The following CYSTM1 variants were observed in gnomAD, a reference collection of about 807,000 sequenced individuals.
CYSTM1 encodes the protein cysteine rich transmembrane module containing 1, also known as cysteine-rich transmembrane module-containing protein 1.
CYSTM1 carries 4 observed loss-of-function variants against 13.1 expected under a neutral mutation model. The ratio of observed to expected loss-of-function variants is 0.31; its 90% CI spans 0.15 to 0.70. The LOEUF is 0.70. CYSTM1 is among the 30% of genes least tolerant of loss of function. CYSTM1 has a pLI of 0.72. For synonymous variants in CYSTM1, 36 were observed against 42.7 expected (o/e 0.84, Z 0.62); for missense variants, 96 against 121.6 (o/e 0.79, Z 0.99).
At chr5:140,179,682 A>G (rs1763940575) in intron 1 of CYSTM1, among the ~76,000 whole-genome samples, 1 of 48,004 alleles carries the variant, frequency 2.1e-5, no homozygotes, top group African/African-American at 9.2e-5. Flanking sequence ...TTCTTTTGAG[A>G]CAGAGTCTTG....
At position 140,239,584 on chromosome 5, in the gene CYSTM1, C is replaced by T. The variant is rs1240362173; in HGVS notation, c.188-3721C>T. Among the ~76,000 whole-genome samples the T allele has an allele frequency of 6.6e-6, 1 of 152,240 alleles. No homozygotes were observed. Among genetic ancestry groups the T allele is most frequent in the African/African-American group, 2.4e-5 (1 of 41,464 alleles). ...TGCCCCTGCCAGAAACTGCTCAGCT[C>T]TTCCCAAAGCTGCTGCGCACCTGAG... On this transcript the variant is annotated intron_variant, in intron 2 of 2. Transcript: ENST00000261811. This position sits in a 1 kb window ranked among gnomAD's most constrained non-coding sequence, Gnocchi z 5.4.
intron 2 of CYSTM1, among the ~76,000 whole-genome samples, chr5:140,215,156 T>A (rs760417918): frequency 6.6e-6 from 1 of 152,236 alleles, no homozygotes; most frequent in Non-Finnish European, 1.5e-5. Flanking sequence ...TAGATTTTCA[T>A]GGAAGTCACT....
At chr5:140,216,632 T>C (rs572407116) in intron 2 of CYSTM1, among the ~76,000 whole-genome samples, 22 of 152,310 alleles carry the variant, frequency 1.4e-4, no homozygotes, top group African/African-American at 4.8e-4. Flanking sequence ...TGGAAAATCT[T>C]ATCAGCTTGT....
At chr5:140,228,813 T>C (rs1764589592) in intron 2 of CYSTM1, 1 of 399,470 alleles carries the variant, frequency 2.5e-6, no homozygotes, top group Non-Finnish European at 4.4e-6. Flanking sequence ...CTGCTGCTGC[T>C]GCCTCCTGGA....
In CYSTM1 at chr5:140,194,664, T is replaced by A; in HGVS notation, c.187+12T>A. 1 of 1,604,756 alleles carries A rather than the reference T, an allele frequency of 6.2e-7. No individual in the cohort carries two copies. The highest frequency in any genetic ancestry group is 8.5e-7 in the Non-Finnish European group (1 of 1,177,156). On this transcript the variant is annotated intron_variant, in intron 2 of 2. Transcript: ENST00000261811. The stretch of plus-strand genomic sequence containing the variant: ...TCCTAAAACCACAGGTGTGTGTCTC[T>A]GAATATGTGGGTGTGCAGTCCCGTG...
intron 2 of CYSTM1, among the ~76,000 whole-genome samples, chr5:140,229,731 C>T (rs1764598991): frequency 6.6e-6 from 1 of 151,378 alleles, no homozygotes. Context: ...TAGTTTTGCT[C>T]TTGTTGCCCA....
In CYSTM1 at chr5:140,219,226, T is replaced by C. The variant is rs1347478440; in HGVS notation, c.188-24079T>C. 6.6e-6 allele frequency among the ~76,000 whole-genome samples: 1 copy of C among 152,156 alleles called. No individual in the cohort carries two copies. The highest frequency in any genetic ancestry group is 2.4e-5 in the African/African-American group (1 of 41,432). ...CACATCTCAGTGGGTAAAGTGGGGA[T>C]TTTCAGGACCATTTGCCCTTGATTC... On this transcript the variant is annotated intron_variant, in intron 2 of 2. Coordinates refer to ENST00000261811, the MANE Select transcript of CYSTM1 (RefSeq NM_032412.4). This position sits in a 1 kb window ranked among gnomAD's most constrained non-coding sequence, Gnocchi z 4.1.
intron 2 of CYSTM1, among the ~76,000 whole-genome samples, chr5:140,243,031 T>C (rs1164606486): frequency 6.6e-6 from 1 of 152,224 alleles, no homozygotes; most frequent in African/African-American, 2.4e-5. Flanking sequence ...TGGCCAACTC[T>C]GGTTGCCTTG....
intron 2 of CYSTM1, chr5:140,228,876 T>A: frequency 2.5e-6 from 1 of 398,694 alleles, no homozygotes; most frequent in Non-Finnish European, 4.4e-6. Context: ...CCCTGCTACC[T>A]CCTGTTACAG....
chr5:140,230,873 T>C lies in CYSTM1; in HGVS notation c.188-12432T>C, dbSNP rs1312111273. ...AGCTAGAATCAGGAATCTGGTGTGA[T>C]GTGTACCCTCCTTCCACCAGCACGT... On this transcript the variant is annotated intron_variant, in intron 2 of 2. Coordinates refer to ENST00000261811, the MANE Select transcript of CYSTM1 (RefSeq NM_032412.4). This position sits in a 1 kb window ranked among gnomAD's most constrained non-coding sequence, Gnocchi z 4.1. Among the ~76,000 whole-genome samples the C allele has an allele frequency of 1.3e-5, 2 of 152,228 alleles. No homozygotes were observed. The highest frequency in any genetic ancestry group is 3.8e-4 in the East Asian group (2 of 5,204).
At chr5:140,225,041 G>T (rs1303184908) in intron 2 of CYSTM1, among the ~76,000 whole-genome samples, 1 of 152,140 alleles carries the variant, frequency 6.6e-6, no homozygotes, top group African/African-American at 2.4e-5. Context: ...AATTAGCCAG[G>T]TGTGGTGACA....
intron 2 of CYSTM1, among the ~76,000 whole-genome samples, chr5:140,212,243 C>A (rs1764376438): frequency 6.6e-6 from 1 of 152,136 alleles, no homozygotes; most frequent in Non-Finnish European, 1.5e-5. Flanking sequence ...ATGTCTTGGT[C>A]AACAACAGGC....
At chr5:140,216,227 T>C (rs1259820039) in intron 2 of CYSTM1, among the ~76,000 whole-genome samples, 2 of 152,288 alleles carry the variant, frequency 1.3e-5, no homozygotes, top group African/African-American at 4.8e-5. Context: ...TCTTAAGGAG[T>C]GATTATCAGC....
chr5:140,221,105 G>A (rs1277347909), intron 2 of CYSTM1, among the ~76,000 whole-genome samples: 3 of 152,128 alleles, frequency 2.0e-5, no homozygotes, highest in South Asian at 2.1e-4. Context: ...CTAGGAGTTC[G>A]AGGTTACCGT....
rs185988846 is a variant in CYSTM1 at position 140,193,456 on chromosome 5, G to A, written c.-20-990G>A. On this transcript the variant is annotated intron_variant, in intron 1 of 2. Transcript: ENST00000261811. ...TGCCACCATGCCCGGCTAATTTTTT[G>A]TATTTTTAGTAGAGACGGGGTTTCA... is the stretch of plus-strand genomic sequence containing the variant. Among the ~76,000 whole-genome samples the A allele has an allele frequency of 3.3e-5, 5 of 152,250 alleles. No homozygotes were observed. The East Asian group carries it at 5.8e-4, about 18-fold the overall frequency.
chr5:140,226,505 A>ATATTTATATATATATAATATAT (rs1491024017), intron 2 of CYSTM1, among the ~76,000 whole-genome samples: 10 of 80,460 alleles, frequency 1.2e-4, no homozygotes, highest in African/African-American at 4.2e-4. Flanking sequence ...AATATATATA[A>ATATTTATATATATATAATATAT]ATATATATTA....
chr5:140,188,408 A>G (rs188605337), intron 1 of CYSTM1, among the ~76,000 whole-genome samples: 46 of 152,350 alleles, frequency 3.0e-4, no homozygotes, highest in Non-Finnish European at 5.6e-4. Flanking sequence ...CTAGCTATTA[A>G]AAATGGCAGG....
At chr5:140,210,474 G>T (rs771329726) in intron 2 of CYSTM1, among the ~76,000 whole-genome samples, 9 of 152,002 alleles carry the variant, frequency 5.9e-5, no homozygotes, top group Non-Finnish European at 1.3e-4. Context: ...CCTCCTTTGA[G>T]AACCACTGCC....
At chr5:140,196,448 C>T (rs1764160160) in intron 2 of CYSTM1, among the ~76,000 whole-genome samples, 1 of 152,114 alleles carries the variant, frequency 6.6e-6, no homozygotes, top group Admixed American at 6.5e-5. Context: ...AAGAATTTTG[C>T]ATTCATGGAA....
Sources: allele counts gnomAD v4.1 joint callset (sites outside exome capture counted in the v4.1 genomes callset), GRCh38; gene constraint gnomAD v4.1.1; non-coding constraint Gnocchi (gnomAD v3.1); transcripts MANE v1.5; gene names NCBI Gene and HGNC (gene_info 2026-07-23, HGNC 2026-07-21).